Variants in HDX observed in about 807,000 individuals in gnomAD.
HDX encodes the protein chromosome X open reading frame 43.
HDX carries 19 observed loss-of-function variants against 45.2 expected under a neutral mutation model. That is an observed-to-expected ratio of 0.42 (90% CI 0.29 to 0.62). HDX has a LOEUF of 0.62. HDX is among the 20% of genes least tolerant of loss of function. HDX has a pLI of 0.20. For synonymous variants in HDX, 188 were observed against 172.8 expected, an observed-to-expected ratio of 1.09 and a Z score of -0.69; for missense variants, 532 against 493.9, an observed-to-expected ratio of 1.08 and a Z score of -0.73.
At chrX:84,335,849 T>G in intron 8 of HDX, among the ~76,000 whole-genome samples, 2 of 110,857 alleles carry the variant, frequency 1.8e-5, no homozygotes, top group Admixed American at 1.9e-4. Context: ...TAGAAAACAC[T>G]GTTATATATT....
chrX:84,417,389 G>T (rs914708123), intron 5 of HDX, among the ~76,000 whole-genome samples: 3 of 111,888 alleles, frequency 2.7e-5, no homozygotes, highest in Non-Finnish European at 3.8e-5. Flanking sequence ...GAGATCAGCA[G>T]CAGAGAAATG....
intron 6 of HDX, among the ~76,000 whole-genome samples, chrX:84,347,814 T>A (rs955650234): frequency 8.9e-6 from 1 of 111,841 alleles, no homozygotes; most frequent in Non-Finnish European, 1.9e-5. Flanking sequence ...CAGATTTAAT[T>A]CTTATTTTTG....
chrX:84,361,425 A>G (rs1569294861), intron 6 of HDX, 41 bp downstream of exon 6: 5 of 1,161,079 alleles, frequency 4.3e-6, no homozygotes, highest in Non-Finnish European at 5.9e-6. Context: ...CATTTATGCC[A>G]TTCAGCAACT....
intron 5 of HDX, among the ~76,000 whole-genome samples, chrX:84,435,794 A>G (rs1272575887): frequency 9.4e-6 from 1 of 106,037 alleles, no homozygotes; most frequent in Non-Finnish European, 1.9e-5. Flanking sequence ...GCTGGAGAGG[A>G]TGTGGAGAAA....
intron 5 of HDX, among the ~76,000 whole-genome samples, chrX:84,365,000 T>A (rs2037714601): frequency 8.9e-6 from 1 of 111,739 alleles, no homozygotes; most frequent in African/African-American, 3.3e-5. Flanking sequence ...TCTGTTTTTT[T>A]ATCCCTCTAT....
chrX:84,330,878 G>T (rs1430579615), intron 9 of HDX, among the ~76,000 whole-genome samples: 1 of 112,184 alleles, frequency 8.9e-6, no homozygotes, highest in African/African-American at 3.2e-5. Flanking sequence ...ATAACAGGCA[G>T]TAATTTATGT....
chrX:84,426,925 T>C (rs1221875366), intron 5 of HDX, among the ~76,000 whole-genome samples: 1 of 110,665 alleles, frequency 9.0e-6, no homozygotes, highest in Non-Finnish European at 1.9e-5. Flanking sequence ...ATATATACAA[T>C]TTTATTTTAA....
intron 4 of HDX, among the ~76,000 whole-genome samples, chrX:84,460,410 A>G (rs1390178605): frequency 8.9e-6 from 1 of 112,325 alleles, no homozygotes; most frequent in African/African-American, 3.2e-5. Context: ...CCAATGTGAT[A>G]CATCATACCA....
At chrX:84,395,454 G>A (rs1438252627) in intron 5 of HDX, among the ~76,000 whole-genome samples, 4 of 109,949 alleles carry the variant, frequency 3.6e-5, no homozygotes, top group Admixed American at 2.0e-4. Flanking sequence ...GTGAAATGCG[G>A]GTTCATTTAT....
At chrX:84,452,199 A>G (rs939389816) in intron 4 of HDX, among the ~76,000 whole-genome samples, 3 of 111,271 alleles carry the variant, frequency 2.7e-5, no homozygotes, top group Non-Finnish European at 5.7e-5. Flanking sequence ...AAAAGGCAGC[A>G]ACATTGGAAA....
rs1162238781 is a variant in HDX, at chrX:84,320,980, G to A, written c.*909C>T. On this transcript the variant is annotated 3_prime_UTR_variant, in exon 11 of 11. Coordinates refer to ENST00000373177, the MANE Select transcript of HDX (RefSeq NM_001177479.2). Reference sequence around the variant, plus strand: ...GGTAAATTTTGTGGCAAAGCTGAATGACTAAATTTTTAAAAAATCTCAGCA... The same window carrying A: ...GGTAAATTTTGTGGCAAAGCTGAATAACTAAATTTTTAAAAAATCTCAGCA... The A allele has an allele frequency of 9.0e-6, 1 of 110,631 alleles. No homozygotes were observed. Among genetic ancestry groups the A allele is most frequent in the Admixed American group, 9.6e-5 (1 of 10,386 alleles). 9.1% of individuals were successfully genotyped at this position (110,631 alleles called of 1,213,427 possible).
At chrX:84,406,469 T>TACACACACACACACAC (rs369018765) in intron 5 of HDX, among the ~76,000 whole-genome samples, 8 of 86,521 alleles carry the variant, frequency 9.2e-5, no homozygotes, top group Admixed American at 1.3e-4. Flanking sequence ...TAATCTCACA[T>TACACACACACACACAC]ACACACACAC....
intron 2 of HDX, among the ~76,000 whole-genome samples, chrX:84,476,349 C>A (rs1250444704): frequency 1.8e-5 from 2 of 109,757 alleles, no homozygotes; most frequent in African/African-American, 3.3e-5. Flanking sequence ...AATACCACAT[C>A]TTTTCCAAGA....
intron 5 of HDX, among the ~76,000 whole-genome samples, chrX:84,373,528 G>A (rs779835812): frequency 6.3e-4 from 69 of 109,890 alleles, no homozygotes; most frequent in African/African-American, 2.3e-3. Flanking sequence ...CTGGCAAACC[G>A]AATCCAGCAG....
intron 5 of HDX, among the ~76,000 whole-genome samples, chrX:84,382,186 T>C (rs2038205777): frequency 3.6e-5 from 4 of 111,278 alleles, no homozygotes; most frequent in African/African-American, 1.3e-4. Flanking sequence ...ATCCAAAAGA[T>C]AGGTAATAAC....
intron 6 of HDX, among the ~76,000 whole-genome samples, chrX:84,358,706 C>A (rs897801283): frequency 2.7e-5 from 3 of 111,725 alleles, no homozygotes; most frequent in African/African-American, 9.8e-5. Flanking sequence ...CTCAAAAATT[C>A]TCTCTATATT....
At chrX:84,360,914 C>T (rs187591937) in intron 6 of HDX, among the ~76,000 whole-genome samples, 1 of 111,276 alleles carries the variant, frequency 9.0e-6, no homozygotes, top group African/African-American at 3.3e-5. Flanking sequence ...ATTTTTTATT[C>T]TTTTGAGTAG....
intron 4 of HDX, among the ~76,000 whole-genome samples, chrX:84,459,378 C>T (rs1478637278): frequency 9.2e-6 from 1 of 108,452 alleles, no homozygotes; most frequent in East Asian, 2.9e-4. Context: ...GGAGGCAGAG[C>T]GTGCAGTGAG....
chrX:84,460,361 T>C (rs12858919), intron 4 of HDX, among the ~76,000 whole-genome samples: 1 of 112,320 alleles, frequency 8.9e-6, no homozygotes, highest in Non-Finnish European at 1.9e-5. Context: ...GTTGGATTTA[T>C]TGCAGAAACT....
Sources: gnomAD v4.1 joint callset for allele counts (sites outside exome capture counted in the v4.1 genomes callset) on GRCh38, gnomAD v4.1.1 for gene constraint, MANE v1.5 for transcripts, NCBI Gene and HGNC (gene_info 2026-07-23, HGNC 2026-07-21) for gene names.